Variants in OVOL2 observed in about 807,000 individuals in gnomAD.
The protein encoded by OVOL2 is transcription factor Ovo-like 2.
OVOL2 carries 13 observed loss-of-function variants against 18.1 expected under a neutral mutation model. That is an observed-to-expected ratio of 0.72 (90% CI 0.47 to 1.14). The LOEUF (loss-of-function observed/expected upper bound fraction) is 1.14, where lower values mean the gene tolerates loss of function less well. Ranked by LOEUF, OVOL2 falls within the 50% of genes most tolerant of loss-of-function variation. The pLI is 0.00. For synonymous variants in OVOL2, 166 were observed against 162.7 expected, an observed-to-expected ratio of 1.02 and a Z score of -0.16; for missense variants, 335 against 383.0, an observed-to-expected ratio of 0.87 and a Z score of 1.05.
chr20:18,058,290 C>T (rs903706937), upstream of OVOL2, among the ~76,000 whole-genome samples: 2 of 151,712 alleles, frequency 1.3e-5, no homozygotes, highest in Admixed American at 6.6e-5. Flanking sequence ...CTTCCTGGGG[C>T]TTGATGAAAT....
At chr20:18,034,784 G>A (rs2036600857) in intron 3 of OVOL2, among the ~76,000 whole-genome samples, 1 of 152,060 alleles carries the variant, frequency 6.6e-6, no homozygotes. Flanking sequence ...AGTTTCCCTG[G>A]ATCTTTTCCA....
intron 3 of OVOL2, among the ~76,000 whole-genome samples, chr20:18,026,559 C>CT (rs2036519163): frequency 6.6e-6 from 1 of 151,974 alleles, no homozygotes. Context: ...TTTTTTGTAT[C>CT]TTTAGTAGAG....
intron 3 of OVOL2, among the ~76,000 whole-genome samples, chr20:18,026,835 A>G (rs2036523552): frequency 6.6e-6 from 1 of 152,104 alleles, no homozygotes; most frequent in African/African-American, 2.4e-5. Context: ...CACCCAGCTC[A>G]GCACCCTACA....
chr20:18,040,323 G>T (rs1031384014), intron 3 of OVOL2, among the ~76,000 whole-genome samples: 2 of 152,180 alleles, frequency 1.3e-5, no homozygotes, highest in African/African-American at 4.8e-5. Context: ...GCTGAAATGG[G>T]TTGGAGTGAG....
At chr20:18,039,434 C>A (rs1182465798) in intron 3 of OVOL2, among the ~76,000 whole-genome samples, 1 of 151,670 alleles carries the variant, frequency 6.6e-6, no homozygotes, top group Admixed American at 6.6e-5. Flanking sequence ...CCAGCCTGGG[C>A]AACATGACGA....
chr20:18,040,814 T>A (rs1389208688), intron 3 of OVOL2, among the ~76,000 whole-genome samples: 1 of 152,178 alleles, frequency 6.6e-6, no homozygotes, highest in Non-Finnish European at 1.5e-5. Flanking sequence ...CTCCTTTTTG[T>A]GTCTCAGGAG....
At chr20:18,050,143 C>T (rs1053842049) in intron 2 of OVOL2, among the ~76,000 whole-genome samples, 3 of 152,162 alleles carry the variant, frequency 2.0e-5, no homozygotes, top group Non-Finnish European at 4.4e-5. Flanking sequence ...ATCCCAACTC[C>T]TTTTGGTGGG....
intron 3 of OVOL2, among the ~76,000 whole-genome samples, chr20:18,031,760 C>G (rs1415557081): frequency 6.6e-6 from 1 of 152,078 alleles, no homozygotes; most frequent in East Asian, 1.9e-4. Context: ...GCCGTCTGCC[C>G]TTTTGAATTT....
chr20:18,055,588 C>A (rs2036814027), intron 2 of OVOL2, among the ~76,000 whole-genome samples: 2 of 152,228 alleles, frequency 1.3e-5, no homozygotes, highest in South Asian at 2.1e-4. Flanking sequence ...CGCCTCAGCC[C>A]ACCCCGGAGT....
chr20:18,050,656 A>C (rs1322544733), intron 2 of OVOL2: 1 of 152,202 alleles, frequency 6.6e-6, no homozygotes, highest in Non-Finnish European at 1.5e-5. Flanking sequence ...TCAAGAATCC[A>C]TTCCAAGCAT....
chr20:18,036,348 C>T (rs2036614806), intron 3 of OVOL2, among the ~76,000 whole-genome samples: 2 of 151,972 alleles, frequency 1.3e-5, no homozygotes, highest in Non-Finnish European at 2.9e-5. Flanking sequence ...TTTTGCATTA[C>T]AACTTGAAAC....
rs6045170 is a variant in OVOL2 at position 18,057,282 on chromosome 20, T to C, written c.100+253A>G. On this transcript the variant is annotated intron_variant, in intron 1 of 3. Transcript: ENST00000278780. This position sits in a 1 kb window ranked among gnomAD's most constrained non-coding sequence, Gnocchi z 6.3. ...TTTCAATCCCTTTCCTGGGCCACCT[T>C]GGCCCGCGCTGCAGCCAACGGTCCC... 0.52 allele frequency among the ~76,000 whole-genome samples: 78,356 copies of C among 152,038 alleles called. 21,405 individuals are homozygous for C. Among genetic ancestry groups the C allele is most frequent in the African/African-American group, 0.71 (29,470 of 41,498 alleles).
chr20:18,047,279 G>C (rs1329875186), intron 2 of OVOL2, among the ~76,000 whole-genome samples: 1 of 152,088 alleles, frequency 6.6e-6, no homozygotes, highest in Non-Finnish European at 1.5e-5. Flanking sequence ...TCAGGAGGCC[G>C]AGGTGGGTGG....
At chr20:18,041,981 G>A (rs1182540210) in intron 2 of OVOL2, among the ~76,000 whole-genome samples, 2 of 147,628 alleles carry the variant, frequency 1.4e-5, no homozygotes, top group Non-Finnish European at 3.0e-5. Flanking sequence ...CTCGATCTCA[G>A]CTCACCGTAA....
intron 2 of OVOL2, among the ~76,000 whole-genome samples, chr20:18,052,849 T>C (rs1286251219): frequency 6.6e-6 from 1 of 152,158 alleles, no homozygotes; most frequent in South Asian, 2.1e-4. Context: ...TCAGCCAACT[T>C]CAGAGTTACT....
intron 3 of OVOL2, among the ~76,000 whole-genome samples, chr20:18,028,275 C>T (rs1007018913): frequency 6.6e-6 from 1 of 151,970 alleles, no homozygotes; most frequent in Non-Finnish European, 1.5e-5. Context: ...TTCCCTAGTT[C>T]AAGCAATTCT....
At chr20:18,037,259 T>TA (rs2036624559) in intron 3 of OVOL2, among the ~76,000 whole-genome samples, 1 of 151,730 alleles carries the variant, frequency 6.6e-6, no homozygotes, top group African/African-American at 2.4e-5. Flanking sequence ...CTACAGAGGA[T>TA]AAAAGACCAT....
At chr20:18,043,555 C>G (rs2036696506) in intron 2 of OVOL2, among the ~76,000 whole-genome samples, 1 of 152,170 alleles carries the variant, frequency 6.6e-6, no homozygotes, top group Non-Finnish European at 1.5e-5. Context: ...TCAGGGCTGC[C>G]ACCAGCTGAA....
intron 2 of OVOL2, among the ~76,000 whole-genome samples, chr20:18,047,024 T>C (rs969888284): frequency 6.6e-6 from 1 of 152,030 alleles, no homozygotes; most frequent in Non-Finnish European, 1.5e-5. Context: ...TTTCCCCACA[T>C]GTAAAACAAT....
Sources: allele counts gnomAD v4.1 joint callset (sites outside exome capture counted in the v4.1 genomes callset), GRCh38; gene constraint gnomAD v4.1.1; non-coding constraint Gnocchi (gnomAD v3.1); transcripts MANE v1.5; gene names NCBI Gene and HGNC (gene_info 2026-07-23, HGNC 2026-07-21).